Variants in SAR1B observed in about 807,000 individuals in gnomAD.
SAR1B encodes secretion associated Ras related GTPase 1B.
Under a neutral mutation model 26.8 loss-of-function variants are expected in SAR1B, and 23 were observed. The ratio of observed to expected loss-of-function variants is 0.86; its 90% CI spans 0.62 to 1.22. SAR1B has a LOEUF of 1.22. SAR1B is among the 50% of genes most tolerant of loss of function. The pLI is 0.00. For missense variants in SAR1B, 196 were observed against 232.8 expected (o/e 0.84, Z 1.03); for synonymous variants, 65 against 80.8 (o/e 0.80, Z 1.05).
At chr5:134,619,343 A>AACCGTCTCCCTCTCC (rs1489653023) in intron 3 of SAR1B, among the ~76,000 whole-genome samples, 1 of 147,076 alleles carries the variant, frequency 6.8e-6, no homozygotes, top group African/African-American at 2.5e-5. Flanking sequence ...AAAAAAAAAA[A>AACCGTCTCCCTCTCC]CTTTCAATTT....
chr5:134,607,738 C>A (rs1256193479), intron 6 of SAR1B, among the ~76,000 whole-genome samples: 1 of 148,728 alleles, frequency 6.7e-6, no homozygotes, highest in Non-Finnish European at 1.5e-5. Flanking sequence ...CACCATTGTA[C>A]TCCAGCCTGG....
At position 134,624,040 on chromosome 5, in the gene SAR1B, G is replaced by GA. The variant is rs749246564; in HGVS notation, c.-18-4dup. On this transcript the variant is annotated splice_region_variant and splice_polypyrimidine_tract_variant and intron_variant, in intron 1 of 6. Coordinates refer to ENST00000402673, the MANE Select transcript of SAR1B (RefSeq NM_016103.4). Reference sequence around the variant, plus strand: ...GACATATCCAAATCTGATAGGGTCTGAAAAAAAAGAGTTTGAATTTAGTAG... The same window carrying GA: ...GACATATCCAAATCTGATAGGGTCTGAAAAAAAAAGAGTTTGAATTTAGTAG... 3.9e-5 allele frequency: 61 copies of GA among 1,567,454 alleles called. No individual in the cohort carries two copies. Among genetic ancestry groups the GA allele is most frequent in the East Asian group, 4.5e-5 (2 of 44,564 alleles).
At chr5:134,632,535 C>T (rs1395598751) in intron 1 of SAR1B, among the ~76,000 whole-genome samples, 193 bp downstream of exon 1, 1 of 152,238 alleles carries the variant, frequency 6.6e-6, no homozygotes, top group East Asian at 1.9e-4. Flanking sequence ...CGAGGGCTAT[C>T]AGACGGCCCC....
At chr5:134,618,792 G>C (rs1236842057) in intron 3 of SAR1B, among the ~76,000 whole-genome samples, 2 of 152,112 alleles carry the variant, frequency 1.3e-5, no homozygotes, top group African/African-American at 2.4e-5. Flanking sequence ...GTGGCCAGGA[G>C]TTCGAGACCA....
chr5:134,621,615 T>G (rs759193534), intron 2 of SAR1B, among the ~76,000 whole-genome samples: 11 of 152,186 alleles, frequency 7.2e-5, no homozygotes, highest in African/African-American at 2.7e-4. Context: ...GCCAAAATGC[T>G]GATTAATTTT....
intron 3 of SAR1B, among the ~76,000 whole-genome samples, chr5:134,615,205 G>A (rs1338261570): frequency 6.6e-6 from 1 of 151,812 alleles, no homozygotes; most frequent in African/African-American, 2.4e-5. Flanking sequence ...AAAATTAGCT[G>A]GGTGCAGCGG....
intron 3 of SAR1B, among the ~76,000 whole-genome samples, chr5:134,615,063 TG>T (rs1405637386): frequency 6.6e-6 from 1 of 152,146 alleles, no homozygotes; most frequent in Non-Finnish European, 1.5e-5. Context: ...TAAGAAATTC[TG>T]GGGGCCGGGC....
intron 2 of SAR1B, among the ~76,000 whole-genome samples, chr5:134,621,594 A>G (rs774104587): frequency 6.6e-6 from 1 of 152,184 alleles, no homozygotes; most frequent in Non-Finnish European, 1.5e-5. Context: ...TTGCCTTAAC[A>G]TATCTACAAT....
chr5:134,620,183 G>A (rs369448024), intron 3 of SAR1B, among the ~76,000 whole-genome samples: 147 of 152,006 alleles, frequency 9.7e-4, no homozygotes, highest in African/African-American at 3.1e-3. Context: ...GTGGGTGCCT[G>A]TAGTCCCAGC....
intron 1 of SAR1B, among the ~76,000 whole-genome samples, chr5:134,627,431 C>T (rs1434646112): frequency 6.6e-6 from 1 of 151,964 alleles, no homozygotes; most frequent in South Asian, 2.1e-4. Context: ...CTCGGGGACT[C>T]AAGCAATCCT....
intron 1 of SAR1B, among the ~76,000 whole-genome samples, chr5:134,631,402 T>C (rs1765603798): frequency 6.6e-6 from 1 of 152,158 alleles, no homozygotes; most frequent in Non-Finnish European, 1.5e-5. Context: ...TCATGTTGCT[T>C]TGCTATACTG....
At chr5:134,631,738 A>G (rs1765609218) in intron 1 of SAR1B, 1 of 152,226 alleles carries the variant, frequency 6.6e-6, no homozygotes, top group South Asian at 2.1e-4. Context: ...GTTTTAAAAC[A>G]AATCTTCTTG....
rs147455014 is a variant in SAR1B at position 134,607,079 on chromosome 5, A to G, written c.481-13T>C. 916 of 1,512,576 alleles carry G rather than the reference A, an allele frequency of 6.1e-4. 4 individuals are homozygous for G. In the African/African-American group the frequency reaches 0.011, roughly 18 times the overall value. The allele number at this position is 1,512,576 out of a possible 1,614,324, so 93.7% of individuals were successfully genotyped here. A position where few individuals can be genotyped will look rare whatever the true frequency, so the allele number is the denominator to read the frequency against. On this transcript the variant is annotated splice_polypyrimidine_tract_variant and intron_variant, in intron 6 of 6. Transcript: ENST00000402673. ...GAGATATACTCCCCTAGAATAGAAG[A>G]GAGACATTTCGTTGGAATTTTATAA...
intron 3 of SAR1B, among the ~76,000 whole-genome samples, chr5:134,616,434 T>A: frequency 7.0e-6 from 1 of 142,108 alleles, no homozygotes; most frequent in Non-Finnish European, 1.5e-5. Context: ...CGAGACTTTG[T>A]CTCAAAAAAA....
At position 134,606,704 on chromosome 5, in the gene SAR1B, G is replaced by A; in HGVS notation, c.*246C>T. ...TGCTCTTTACAAATGGCGCTGGGGT[G>A]ATGTCAGATTATAAACTGTAAAAAC... On this transcript the variant is annotated 3_prime_UTR_variant, in exon 7 of 7. Coordinates refer to ENST00000402673, the MANE Select transcript of SAR1B (RefSeq NM_016103.4). 1 of 445,060 alleles carries A rather than the reference G, an allele frequency of 2.2e-6. No homozygotes were observed. Among genetic ancestry groups the A allele is most frequent in the African/African-American group, 2.0e-5 (1 of 50,192 alleles). 27.6% of individuals were successfully genotyped at this position (445,060 alleles called of 1,614,324 possible).
At chr5:134,632,359 T>C (rs1013302927) in intron 1 of SAR1B, among the ~76,000 whole-genome samples, 9 of 152,188 alleles carry the variant, frequency 5.9e-5, no homozygotes, top group African/African-American at 1.9e-4. Flanking sequence ...TTGGGAGCGC[T>C]GAAAACACCA....
chr5:134,615,112 G>T (rs1368662176), intron 3 of SAR1B, among the ~76,000 whole-genome samples: 3 of 152,106 alleles, frequency 2.0e-5, no homozygotes, highest in Admixed American at 1.3e-4. Flanking sequence ...ACTTTGGGAG[G>T]CCGAGATGGG....
intron 4 of SAR1B, 24 bp from the exon 5 acceptor site, chr5:134,609,698 G>C (rs776976768): frequency 2.5e-6 from 4 of 1,593,538 alleles, no homozygotes; most frequent in South Asian, 1.1e-5. Context: ...TCAGGGGTTA[G>C]AGTTTACTTG....
At chr5:134,610,159 C>T (rs79422291) in intron 4 of SAR1B, among the ~76,000 whole-genome samples, 2 of 151,878 alleles carry the variant, frequency 1.3e-5, no homozygotes, top group Non-Finnish European at 2.9e-5. Flanking sequence ...AAATTAATAT[C>T]AGGTACAAGC....
Sources: gnomAD v4.1 joint callset for allele counts (sites outside exome capture counted in the v4.1 genomes callset) on GRCh38, gnomAD v4.1.1 for gene constraint, MANE v1.5 for transcripts, NCBI Gene and HGNC (gene_info 2026-07-23, HGNC 2026-07-21) for gene names.